Variants in DGKB observed in about 807,000 individuals in gnomAD.
The protein encoded by DGKB is diacylglycerol kinase beta, also known as 90 kDa diacylglycerol kinase.
In DGKB, 67 loss-of-function variants were observed where a neutral mutation model predicts 114.3. The observed-to-expected ratio is 0.59, with a 90% CI of 0.48 to 0.72. The LOEUF is 0.72. DGKB is among the 30% of genes least tolerant of loss of function. The pLI, the probability that DGKB is intolerant of heterozygous loss-of-function variation, is 0.00. For missense variants in DGKB, 907 were observed against 975.2 expected, an observed-to-expected ratio of 0.93 and a Z score of 0.93; for synonymous variants, 398 against 323.1, an observed-to-expected ratio of 1.23 and a Z score of -2.49.
chr7:14,566,870 T>C lies in DGKB; in HGVS notation c.1770+7342A>G, dbSNP rs78173557. Among the ~76,000 whole-genome samples the C allele has an allele frequency of 2.3e-3, 343 of 151,918 alleles. 1 individual carries two copies. Among genetic ancestry groups the C allele is most frequent in the African/African-American group, 7.8e-3 (322 of 41,426 alleles). On this transcript the variant is annotated intron_variant, in intron 20 of 25. Transcript: ENST00000402815. The stretch of plus-strand genomic sequence containing the variant: ...CACTTATGTATATTCTTCAGATCTC[T>C]TCTTAAATGCATCCTCTTTATATAA...
chr7:14,645,143 C>T (rs146482750), intron 13 of DGKB, among the ~76,000 whole-genome samples: 1,900 of 152,160 alleles, frequency 0.012, 12 homozygotes, highest in Non-Finnish European at 0.019. Flanking sequence ...CATGCATTCC[C>T]CGATTCTAAG....
intron 20 of DGKB, among the ~76,000 whole-genome samples, chr7:14,523,851 T>C (rs900086242): frequency 2.6e-5 from 4 of 152,196 alleles, no homozygotes; most frequent in Admixed American, 2.6e-4. Context: ...AGCTATGTGA[T>C]TTAATGTTAT....
chr7:14,529,008 T>A (rs1343144657), intron 20 of DGKB, among the ~76,000 whole-genome samples: 1 of 152,038 alleles, frequency 6.6e-6, no homozygotes, highest in Admixed American at 6.6e-5. Flanking sequence ...GTAGTTTAAC[T>A]TCATTAGCAA....
intron 21 of DGKB, among the ~76,000 whole-genome samples, chr7:14,366,460 C>A (rs1816689318): frequency 6.6e-6 from 1 of 152,170 alleles, no homozygotes; most frequent in Non-Finnish European, 1.5e-5. Flanking sequence ...GGCAAACTGA[C>A]ATTGCTGTAT....
intron 23 of DGKB, among the ~76,000 whole-genome samples, chr7:14,288,770 G>A (rs1189363283): frequency 6.6e-6 from 1 of 152,062 alleles, no homozygotes; most frequent in East Asian, 1.9e-4. Context: ...CAAATGTATA[G>A]CAAATAGACC....
At chr7:14,882,578 C>T (rs1218771839) in intron 1 of DGKB, among the ~76,000 whole-genome samples, 1 of 151,930 alleles carries the variant, frequency 6.6e-6, no homozygotes, top group Non-Finnish European at 1.5e-5. Flanking sequence ...ATTTATCATC[C>T]TTCATCCTCT....
At chr7:14,567,064 C>T (rs539920702) in intron 20 of DGKB, among the ~76,000 whole-genome samples, 2 of 120,180 alleles carry the variant, frequency 1.7e-5, no homozygotes, top group South Asian at 2.4e-4. Flanking sequence ...ATGAGATGAC[C>T]TGTATATATA....
chr7:14,747,775 G>GCGCGCGCGCGCGCGCACACA lies in DGKB; in HGVS notation c.168+6152_168+6153insTGTGTGCGCGCGCGCGCGCG. Among the ~76,000 whole-genome samples the GCGCGCGCGCGCGCGCACACA allele has an allele frequency of 6.2e-3, 929 of 149,256 alleles. 12 individuals are homozygous for GCGCGCGCGCGCGCGCACACA. Among genetic ancestry groups the GCGCGCGCGCGCGCGCACACA allele is most frequent in the African/African-American group, 0.022 (869 of 39,674 alleles). ...GCTGTGGGCTCAAACACATCCACGC[G>GCGCGCGCGCGCGCGCACACA]CACGCACACACACACACACACACAC... is the stretch of plus-strand genomic sequence containing the variant. On this transcript the variant is annotated intron_variant, in intron 4 of 25. Transcript: ENST00000402815.
At chr7:14,867,743 G>T (rs2041370) in intron 1 of DGKB, among the ~76,000 whole-genome samples, 1 of 151,822 alleles carries the variant, frequency 6.6e-6, no homozygotes, top group Non-Finnish European at 1.5e-5. Context: ...ACTCCTTTGA[G>T]AGCGCTCTTT....
intron 1 of DGKB, among the ~76,000 whole-genome samples, chr7:14,946,432 C>T (rs1785884903): frequency 6.6e-6 from 1 of 151,684 alleles, no homozygotes; most frequent in Non-Finnish European, 1.5e-5. Context: ...GCATCGTAAT[C>T]ATGGCACTAT....
At chr7:14,237,408 A>G (rs2128355511) in intron 23 of DGKB, among the ~76,000 whole-genome samples, 1 of 151,928 alleles carries the variant, frequency 6.6e-6, no homozygotes, top group East Asian at 1.9e-4. Flanking sequence ...TTCCTTCAAG[A>G]GACAGGCTGT....
chr7:14,683,474 A>G (rs568729022), intron 10 of DGKB, among the ~76,000 whole-genome samples: 1 of 152,270 alleles, frequency 6.6e-6, no homozygotes, highest in South Asian at 2.1e-4. Flanking sequence ...ATACCTACAC[A>G]TAAGCAAATA....
chr7:14,527,120 T>C (rs981549882), intron 20 of DGKB, among the ~76,000 whole-genome samples: 3 of 152,144 alleles, frequency 2.0e-5, no homozygotes, highest in African/African-American at 7.2e-5. Flanking sequence ...TGCAACTGCA[T>C]AGTTAGTCCA....
chr7:14,972,905 C>T (rs1787560385), intron 1 of DGKB, among the ~76,000 whole-genome samples: 1 of 151,982 alleles, frequency 6.6e-6, no homozygotes, highest in Non-Finnish European at 1.5e-5. Flanking sequence ...TGTATACATA[C>T]ATATAGGTGG....
chr7:14,909,829 C>G (rs1292484187), intron 1 of DGKB, among the ~76,000 whole-genome samples: 1 of 151,960 alleles, frequency 6.6e-6, no homozygotes, highest in African/African-American at 2.4e-5. Flanking sequence ...TCAATAGAAA[C>G]TGACATCAAA....
chr7:14,199,508 G>T (rs1485066471), intron 23 of DGKB, among the ~76,000 whole-genome samples: 1 of 152,014 alleles, frequency 6.6e-6, no homozygotes, highest in Non-Finnish European at 1.5e-5. Context: ...TCAGCACTCT[G>T]CAGGCGGCCT....
At chr7:14,342,508 A>T (rs1811771041) in intron 22 of DGKB, among the ~76,000 whole-genome samples, 1 of 151,954 alleles carries the variant, frequency 6.6e-6, no homozygotes, top group African/African-American at 2.4e-5. Context: ...AAGTTAGAAG[A>T]TAAATGAATA....
chr7:14,814,570 T>C (rs981944303), intron 2 of DGKB, among the ~76,000 whole-genome samples: 1 of 152,196 alleles, frequency 6.6e-6, no homozygotes, highest in African/African-American at 2.4e-5. Context: ...GAAAGACTTA[T>C]ATAAATGTTT....
At chr7:14,463,298 C>G (rs186850333) in intron 21 of DGKB, among the ~76,000 whole-genome samples, 1 of 151,984 alleles carries the variant, frequency 6.6e-6, no homozygotes, top group Non-Finnish European at 1.5e-5. Flanking sequence ...ATGTAGGTGA[C>G]GGATCGATGG....
Sources: gnomAD v4.1 joint callset for allele counts (sites outside exome capture counted in the v4.1 genomes callset) on GRCh38, gnomAD v4.1.1 for gene constraint, MANE v1.5 for transcripts, NCBI Gene and HGNC (gene_info 2026-07-23, HGNC 2026-07-21) for gene names.